Variants in CXCL13 observed in about 807,000 individuals in gnomAD.
The protein encoded by CXCL13 is C-X-C motif chemokine ligand 13.
A neutral mutation model predicts 12.2 loss-of-function variants in CXCL13; 7 were observed. The observed-to-expected ratio is 0.57, with a 90% CI of 0.33 to 1.07. CXCL13 has a LOEUF of 1.07. Among genes scored for constraint, CXCL13 ranks in the 50% least tolerant of loss-of-function variants. CXCL13 has a pLI of 0.04. For missense variants in CXCL13, 113 were observed against 127.4 expected (o/e 0.89, Z 0.55); for synonymous variants, 47 against 42.4 (o/e 1.11, Z -0.42).
intron 1 of CXCL13, among the ~76,000 whole-genome samples, chr4:77,591,157 CTATTA>C (rs1726598896): frequency 6.6e-6 from 1 of 152,154 alleles, no homozygotes; most frequent in South Asian, 2.1e-4. Flanking sequence ...ATATACTGTA[CTATTA>C]TATTATACTA....
intron 1 of CXCL13, among the ~76,000 whole-genome samples, chr4:77,547,411 C>A (rs898893225): frequency 6.6e-6 from 1 of 152,154 alleles, no homozygotes; most frequent in Non-Finnish European, 1.5e-5. Context: ...AATCTGGATG[C>A]TCCTGTATTG....
intron 1 of CXCL13, among the ~76,000 whole-genome samples, chr4:77,538,092 T>C (rs1358044432): frequency 6.6e-6 from 1 of 152,168 alleles, no homozygotes; most frequent in African/African-American, 2.4e-5. Context: ...CCCAGTGGAA[T>C]TGATGGAACA....
intron 1 of CXCL13, among the ~76,000 whole-genome samples, chr4:77,567,538 G>A (rs1406952084): frequency 6.6e-6 from 1 of 152,180 alleles, no homozygotes; most frequent in Non-Finnish European, 1.5e-5. Context: ...GCAGCATGAG[G>A]TCAAGACAGG....
chr4:77,578,396 C>G (rs1268321102), intron 1 of CXCL13, among the ~76,000 whole-genome samples: 1 of 152,184 alleles, frequency 6.6e-6, no homozygotes, highest in Non-Finnish European at 1.5e-5. Flanking sequence ...TTAAGATCAG[C>G]CTTCATTCTT....
chr4:77,587,115 C>T (rs528246064), intron 1 of CXCL13, among the ~76,000 whole-genome samples: 8 of 152,158 alleles, frequency 5.3e-5, no homozygotes, highest in African/African-American at 1.9e-4. Flanking sequence ...TATAATGCAG[C>T]CCAGACATCC....
At chr4:77,607,557 A>C in intron 1 of CXCL13, 146 bp from the exon 2 acceptor site, 1 of 670,318 alleles carries the variant, frequency 1.5e-6, no homozygotes, top group Admixed American at 2.8e-5. Context: ...ACAAGCAGAA[A>C]TATACAAACT....
At position 77,610,993 on chromosome 4, in the gene CXCL13, G is replaced by A; in HGVS notation, c.284G>A (p.Ser95Asn). The A allele has an allele frequency of 1.2e-6, 2 of 1,610,574 alleles. No homozygotes were observed. The highest frequency in any genetic ancestry group is 1.7e-6 in the Non-Finnish European group (2 of 1,179,442). The stretch of plus-strand genomic sequence containing the variant: ...TTTTTGTTTCTGCTTCACAGAAGAA[G>A]TTCTTCAACTCTACCAGTTCCAGTG... ...QRMMEVLRKR[S>N]SSTLPVPVFK... is the part of the protein sequence containing the mutation. Residue 95 changes from serine to asparagine, a missense_variant, in exon 4 of 4, where the codon AGT becomes AAT. Coordinates refer to ENST00000682537, the MANE Select transcript of CXCL13 (RefSeq NM_001371558.1).
At chr4:77,531,889 A>G (rs1168872363) in intron 1 of CXCL13, among the ~76,000 whole-genome samples, 1 of 151,742 alleles carries the variant, frequency 6.6e-6, no homozygotes, top group South Asian at 2.1e-4. Context: ...TTTGTTTTCC[A>G]TTTGCTTGGT....
intron 1 of CXCL13, among the ~76,000 whole-genome samples, chr4:77,586,369 G>A (rs1050576449): frequency 6.6e-6 from 1 of 152,010 alleles, no homozygotes; most frequent in Non-Finnish European, 1.5e-5. Flanking sequence ...TCTTAAAATC[G>A]GTATGTTGGC....
chr4:77,604,818 G>A (rs1310807192), upstream of CXCL13, among the ~76,000 whole-genome samples: 3 of 152,106 alleles, frequency 2.0e-5, no homozygotes, highest in Non-Finnish European at 2.9e-5. Context: ...TTAGGAAATC[G>A]CGCCAGGAAG....
intron 1 of CXCL13, among the ~76,000 whole-genome samples, chr4:77,534,375 A>G (rs1046704444): frequency 2.6e-5 from 4 of 152,212 alleles, no homozygotes; most frequent in Non-Finnish European, 4.4e-5. Context: ...TGGCTAAACA[A>G]TGGCACATCA....
At chr4:77,559,921 C>CAAAAAA (rs751894798) in intron 1 of CXCL13, among the ~76,000 whole-genome samples, 3 of 77,096 alleles carry the variant, frequency 3.9e-5, no homozygotes, top group African/African-American at 1.2e-4. Context: ...GACTCCATCA[C>CAAAAAA]AAAAAAAAAA....
chr4:77,598,934 T>C (rs1726829628), intron 1 of CXCL13, among the ~76,000 whole-genome samples: 1 of 152,064 alleles, frequency 6.6e-6, no homozygotes, highest in Admixed American at 6.5e-5. Flanking sequence ...TTAGCCTCCA[T>C]AGTAACTGGG....
intron 1 of CXCL13, among the ~76,000 whole-genome samples, chr4:77,544,629 G>T (rs1725306013): frequency 6.6e-6 from 1 of 152,104 alleles, no homozygotes. Flanking sequence ...TGAGTTCTTT[G>T]TAGATTCTGG....
At chr4:77,527,001 G>T (rs1724783403) in intron 1 of CXCL13, among the ~76,000 whole-genome samples, 2 of 152,112 alleles carry the variant, frequency 1.3e-5, no homozygotes, top group South Asian at 4.1e-4. Context: ...TGAAAATCAG[G>T]GACTAGAACT....
chr4:77,609,678 A>G (rs186099178), intron 2 of CXCL13, among the ~76,000 whole-genome samples: 1 of 152,312 alleles, frequency 6.6e-6, no homozygotes, highest in Non-Finnish European at 1.5e-5. Context: ...TCACACCAAT[A>G]GAGGGTAGAG....
At chr4:77,586,086 C>T (rs1483433610) in intron 1 of CXCL13, among the ~76,000 whole-genome samples, 1 of 152,022 alleles carries the variant, frequency 6.6e-6, no homozygotes, top group Non-Finnish European at 1.5e-5. Flanking sequence ...AAAATTAATT[C>T]AGGCTGTGCA....
chr4:77,547,002 G>A (rs183191644), intron 1 of CXCL13, among the ~76,000 whole-genome samples: 76 of 152,300 alleles, frequency 5.0e-4, no homozygotes, highest in African/African-American at 1.6e-3. Context: ...TATGTACCCA[G>A]TAGTCATTCA....
At chr4:77,520,507 C>G (rs1578033400) in intron 1 of CXCL13, among the ~76,000 whole-genome samples, 1 of 152,274 alleles carries the variant, frequency 6.6e-6, no homozygotes, top group East Asian at 1.9e-4. Context: ...CATCATTTGG[C>G]TCTCTGTTTG....
Sources: gnomAD v4.1 joint callset for allele counts (sites outside exome capture counted in the v4.1 genomes callset) on GRCh38, gnomAD v4.1.1 for gene constraint, MANE v1.5 for transcripts, NCBI Gene and HGNC (gene_info 2026-07-23, HGNC 2026-07-21) for gene names.